The following MACROD2 variants were observed in gnomAD, a reference collection of about 807,000 sequenced individuals.
The protein encoded by MACROD2 is ADP-ribose glycohydrolase MACROD2.
Under a neutral mutation model 70.4 loss-of-function variants are expected in MACROD2, and 36 were observed. The ratio of observed to expected loss-of-function variants is 0.51; its 90% confidence interval spans 0.39 to 0.68. The LOEUF is 0.68. MACROD2 is among the 30% of genes least tolerant of loss of function. The pLI is 0.00. For synonymous variants in MACROD2, 172 were observed against 178.8 expected (o/e 0.96, Z 0.30); for missense variants, 496 against 538.4 (o/e 0.92, Z 0.78).
At chr20:15,857,277 AG>A (rs1481768271) in intron 8 of MACROD2, among the ~76,000 whole-genome samples, 1 of 152,206 alleles carries the variant, frequency 6.6e-6, no homozygotes, top group Non-Finnish European at 1.5e-5. Flanking sequence ...GAAGTATGTC[AG>A]CAGGGCAGAT....
At chr20:15,696,192 C>A (rs978511510) in intron 8 of MACROD2, among the ~76,000 whole-genome samples, 1 of 152,134 alleles carries the variant, frequency 6.6e-6, no homozygotes, top group East Asian at 1.9e-4. Context: ...TCATAGATGG[C>A]TTTTATTACA....
intron 3 of MACROD2, among the ~76,000 whole-genome samples, chr20:14,178,434 G>T (rs956137384): frequency 1.3e-5 from 2 of 152,094 alleles, no homozygotes; most frequent in Non-Finnish European, 2.9e-5. Context: ...ATAGCAAAGT[G>T]CAAAAGAATG....
intron 8 of MACROD2, among the ~76,000 whole-genome samples, chr20:15,582,216 G>A (rs1347112220): frequency 1.3e-5 from 2 of 152,084 alleles, no homozygotes; most frequent in Non-Finnish European, 2.9e-5. Flanking sequence ...CACCTCCTAG[G>A]GCCAGAGCCT....
Position 15,519,096 on chromosome 20 carries a change from TTCCTTCCTTCCTTCCTTCC to T in MACROD2, c.645+19251_645+19269del, listed in dbSNP as rs1379805247. Among the ~76,000 whole-genome samples, 90 of 148,688 alleles carry T rather than the reference TTCCTTCCTTCCTTCCTTCC, an allele frequency of 6.1e-4. 1 individual carries two copies. The highest frequency in any genetic ancestry group is 2.2e-3 in the African/African-American group (89 of 40,472). The stretch of plus-strand genomic sequence containing the variant: ...CTTCCTTCCTTCCTTCCTTCCTTCC[TTCCTTCCTTCCTTCCTTCC>T]TTCCTTTCTTTCTTTCTTTTTCTCT... On this transcript the variant is annotated intron_variant, in intron 8 of 17. Coordinates refer to ENST00000684519, the MANE Select transcript of MACROD2 (RefSeq NM_001351661.2).
chr20:15,888,028 G>A (rs138748504), intron 10 of MACROD2, among the ~76,000 whole-genome samples: 1 of 152,162 alleles, frequency 6.6e-6, no homozygotes, highest in East Asian at 1.9e-4. Context: ...AGTGGAATGT[G>A]CTCATGAACA....
At chr20:15,203,393 G>A (rs1410320144) in intron 5 of MACROD2, among the ~76,000 whole-genome samples, 6 of 152,000 alleles carry the variant, frequency 3.9e-5, no homozygotes, top group Non-Finnish European at 7.4e-5. Context: ...ATTGTATTCA[G>A]TCTTTGTTTT....
At chr20:14,010,048 G>A (rs927062412) in intron 2 of MACROD2, among the ~76,000 whole-genome samples, 2 of 152,068 alleles carry the variant, frequency 1.3e-5, no homozygotes, top group African/African-American at 4.8e-5. Flanking sequence ...GTGATGGGTT[G>A]ATCTGTGTAG....
intron 6 of MACROD2, among the ~76,000 whole-genome samples, chr20:15,387,194 A>C (rs1255635986): frequency 6.6e-6 from 1 of 152,212 alleles, no homozygotes; most frequent in Non-Finnish European, 1.5e-5. Context: ...TTATTTAGAA[A>C]TAAATCTGAT....
At chr20:14,599,633 G>A (rs62202906) in intron 4 of MACROD2, among the ~76,000 whole-genome samples, 27,143 of 152,118 alleles carry the variant, frequency 0.18, 3,212 homozygotes, top group Non-Finnish European at 0.26. Context: ...GCAGCAGTGC[G>A]TAGGATGGCT....
intron 4 of MACROD2, among the ~76,000 whole-genome samples, chr20:14,534,073 G>C (rs993262350): frequency 6.6e-6 from 1 of 152,162 alleles, no homozygotes; most frequent in Admixed American, 6.5e-5. Context: ...AGTTAAAAGA[G>C]AAGGACATTT....
chr20:14,106,532 G>A (rs865973572), intron 3 of MACROD2, among the ~76,000 whole-genome samples: 2 of 152,136 alleles, frequency 1.3e-5, no homozygotes, highest in Non-Finnish European at 1.5e-5. Flanking sequence ...CAAAAATCTG[G>A]CTGGCTTTGC....
chr20:15,516,838 C>T (rs2047574214), intron 8 of MACROD2, among the ~76,000 whole-genome samples: 1 of 152,156 alleles, frequency 6.6e-6, no homozygotes, highest in Non-Finnish European at 1.5e-5. Context: ...ACAGTGGTAT[C>T]AGCAGTCTTT....
At chr20:15,203,830 C>T (rs1703304831) in intron 5 of MACROD2, among the ~76,000 whole-genome samples, 1 of 151,894 alleles carries the variant, frequency 6.6e-6, no homozygotes, top group South Asian at 2.1e-4. Flanking sequence ...TTTAAAAATC[C>T]TATGTTAAAT....
Position 14,956,537 on chromosome 20 carries a change from G to A in MACROD2, c.418+271578G>A, listed in dbSNP as rs139336371. Among the ~76,000 whole-genome samples the A allele has an allele frequency of 6.6e-4, 100 of 152,152 alleles. 1 individual carries two copies. In the East Asian group the frequency reaches 7.3e-3, roughly 11 times the overall value. On this transcript the variant is annotated intron_variant, in intron 5 of 17. Coordinates refer to ENST00000684519, the MANE Select transcript of MACROD2 (RefSeq NM_001351661.2). The stretch of plus-strand genomic sequence containing the variant: ...AGCAGTCCTATTACCATGCCACCCT[G>A]TGCTGTTGTTTTTTTAGTAGTTTGC...
chr20:15,130,265 C>G (rs1391162700), intron 5 of MACROD2, among the ~76,000 whole-genome samples: 2 of 151,934 alleles, frequency 1.3e-5, no homozygotes, highest in Non-Finnish European at 2.9e-5. Flanking sequence ...TCCATCCACC[C>G]ATCCATCCAT....
At chr20:15,680,606 T>C (rs2050147496) in intron 8 of MACROD2, among the ~76,000 whole-genome samples, 2 of 152,210 alleles carry the variant, frequency 1.3e-5, no homozygotes, top group Admixed American at 1.3e-4. Context: ...CATTGTGAAT[T>C]CAGGAGTCAG....
chr20:14,161,862 G>A (rs912894600), intron 3 of MACROD2, among the ~76,000 whole-genome samples: 1 of 152,122 alleles, frequency 6.6e-6, no homozygotes, highest in Non-Finnish European at 1.5e-5. Context: ...CAAAGTGCTG[G>A]GATTACAGGA....
chr20:14,947,893 C>A (rs74436546), intron 5 of MACROD2, among the ~76,000 whole-genome samples: 2,655 of 152,256 alleles, frequency 0.017, 62 homozygotes, highest in African/African-American at 0.059. Flanking sequence ...TCAATGCTGG[C>A]CCAGTGTTTA....
At chr20:14,835,342 C>T (rs1297508400) in intron 5 of MACROD2, among the ~76,000 whole-genome samples, 3 of 151,978 alleles carry the variant, frequency 2.0e-5, no homozygotes, top group Non-Finnish European at 2.9e-5. Context: ...AACATCGGTT[C>T]ATATGGAGTC....
Sources: gnomAD v4.1 joint callset for allele counts (sites outside exome capture counted in the v4.1 genomes callset) on GRCh38, gnomAD v4.1.1 for gene constraint, MANE v1.5 for transcripts, NCBI Gene and HGNC (gene_info 2026-07-23, HGNC 2026-07-21) for gene names.